Variants in CACNA1B observed in about 807,000 individuals in gnomAD.
CACNA1B encodes calcium voltage-gated channel subunit alpha1 B, also known as voltage-dependent N-type calcium channel subunit alpha-1B.
Under a neutral mutation model 247.2 loss-of-function variants are expected in CACNA1B, and 70 were observed. The observed-to-expected ratio is 0.28, with a 90% CI of 0.23 to 0.35. The LOEUF is 0.35. CACNA1B is among the 10% of genes least tolerant of loss of function. The probability of loss-of-function intolerance (pLI) is 1.00; values close to 1 mark genes in which losing one functional copy is unlikely to be tolerated. For missense variants in CACNA1B, 2,367 were observed against 3,197.4 expected (o/e 0.74, Z 6.26); for synonymous variants, 1,231 against 1,294.4 (o/e 0.95, Z 1.05).
intron 13 of CACNA1B, among the ~76,000 whole-genome samples, chr9:137,985,646 A>T (rs1055203686): frequency 2.0e-5 from 3 of 152,210 alleles, no homozygotes; most frequent in Admixed American, 6.5e-5. Flanking sequence ...GCCCAGGGAT[A>T]GAGTGAGCAC....
chr9:138,069,785 G>A (rs200931779), intron 32 of CACNA1B, 22 bp downstream of exon 32: 342 of 1,606,056 alleles, frequency 2.1e-4, no homozygotes, highest in Non-Finnish European at 2.8e-4. Flanking sequence ...GACTCTGAAC[G>A]GTTCTTGCAA....
Position 137,975,021 on chromosome 9 carries a change from C to T in CACNA1B, c.1544-886C>T, listed in dbSNP as rs532457147. Among the ~76,000 whole-genome samples the T allele has an allele frequency of 1.2e-4, 19 of 152,292 alleles. No individual in the cohort carries two copies. The East Asian group carries it at 1.7e-3, about 14-fold the overall frequency. Reference sequence around the variant, plus strand: ...CCTGGCTCAGCCAGCGGCTGGGCCTCGCTGGGCCTCCTGCTGCCTGTGGCC... The same window carrying T: ...CCTGGCTCAGCCAGCGGCTGGGCCTTGCTGGGCCTCCTGCTGCCTGTGGCC... On this transcript the variant is annotated intron_variant, in intron 11 of 46. Transcript: ENST00000371372.
chr9:138,029,017 T>C (rs1047798478), intron 20 of CACNA1B, among the ~76,000 whole-genome samples: 7 of 152,252 alleles, frequency 4.6e-5, no homozygotes, highest in African/African-American at 1.7e-4. Context: ...ACCAACTGAA[T>C]TTGGAATCCT....
intron 31 of CACNA1B, among the ~76,000 whole-genome samples, chr9:138,068,918 A>C (rs1960025633): frequency 6.6e-6 from 1 of 151,994 alleles, no homozygotes; most frequent in Admixed American, 6.6e-5. Flanking sequence ...ACTGACCCAC[A>C]CTCCGTCCCT....
In CACNA1B at chr9:138,000,046, A is replaced by G. The variant is rs552550867; in HGVS notation, c.1975-6721A>G. On this transcript the variant is annotated intron_variant, in intron 15 of 46. Coordinates refer to ENST00000371372, the MANE Select transcript of CACNA1B (RefSeq NM_000718.4). ...AAAATGAGATTTTTTTTTAATTCCAAAAGAATACTTTGGCAACTTTATGCC... is the reference window on the plus strand; with the variant it reads ...AAAATGAGATTTTTTTTTAATTCCAGAAGAATACTTTGGCAACTTTATGCC... Among the ~76,000 whole-genome samples, 4 of 152,282 alleles carry G rather than the reference A, an allele frequency of 2.6e-5. No homozygotes were observed. In the South Asian group the frequency reaches 8.3e-4, roughly 32 times the overall value.
At chr9:137,987,621 C>T (rs1216348711) in intron 15 of CACNA1B, among the ~76,000 whole-genome samples, 1 of 152,180 alleles carries the variant, frequency 6.6e-6, no homozygotes, top group Non-Finnish European at 1.5e-5. Context: ...CTCCCTGGCT[C>T]CTGGGGCTGC....
At chr9:137,915,731 C>G (rs1957402585) in intron 5 of CACNA1B, among the ~76,000 whole-genome samples, 2 of 152,078 alleles carry the variant, frequency 1.3e-5, no homozygotes, top group South Asian at 4.2e-4. Flanking sequence ...TGAGAGCTTT[C>G]CCTTTACAGT....
intron 6 of CACNA1B, among the ~76,000 whole-genome samples, chr9:137,943,079 T>A (rs984609799): frequency 6.7e-6 from 1 of 148,704 alleles, no homozygotes; most frequent in African/African-American, 2.5e-5. Flanking sequence ...AGTTTCAAAC[T>A]TTTGTAAAGC....
intron 18 of CACNA1B, 84 bp downstream of exon 18, chr9:138,013,319 C>A: frequency 1.0e-6 from 1 of 980,626 alleles, no homozygotes; most frequent in Non-Finnish European, 1.5e-6. Context: ...GGCACCCCTT[C>A]CAGAGGCTTC....
chr9:138,112,141 GAC>G (rs1491079665), intron 39 of CACNA1B, among the ~76,000 whole-genome samples: 10 of 152,180 alleles, frequency 6.6e-5, no homozygotes, highest in East Asian at 1.9e-4. Flanking sequence ...ACACACGTCG[GAC>G]ACACACGTGT....
intron 6 of CACNA1B, among the ~76,000 whole-genome samples, chr9:137,922,221 C>T (rs562314014): frequency 2.8e-5 from 4 of 145,130 alleles, no homozygotes; most frequent in African/African-American, 7.8e-5. Flanking sequence ...ATCAGCACCA[C>T]GACCGCAAAG....
intron 20 of CACNA1B, among the ~76,000 whole-genome samples, chr9:138,038,338 G>A (rs1317315832): frequency 6.6e-6 from 1 of 152,176 alleles, no homozygotes; most frequent in Non-Finnish European, 1.5e-5. Context: ...GGATCGTTGT[G>A]CACACTTCCT....
At chr9:138,026,299 A>T (rs972931136) in intron 20 of CACNA1B, among the ~76,000 whole-genome samples, 1 of 151,884 alleles carries the variant, frequency 6.6e-6, no homozygotes, top group Non-Finnish European at 1.5e-5. Context: ...TTCACTTCCC[A>T]TGGGCACAAG....
At chr9:138,003,834 C>T (rs974985410) in intron 15 of CACNA1B, among the ~76,000 whole-genome samples, 8 of 136,750 alleles carry the variant, frequency 5.9e-5, no homozygotes, top group African/African-American at 2.3e-4. Flanking sequence ...GTCGCCCAGG[C>T]TGGTGTCGAA....
intron 42 of CACNA1B, among the ~76,000 whole-genome samples, chr9:138,117,698 C>T (rs1401653464): frequency 6.6e-6 from 1 of 152,166 alleles, no homozygotes; most frequent in East Asian, 1.9e-4. Context: ...ACTCTGAATC[C>T]CTTCTTGCTC....
At chr9:137,959,269 C>T (rs1957983976) in intron 10 of CACNA1B, among the ~76,000 whole-genome samples, 1 of 152,276 alleles carries the variant, frequency 6.6e-6, no homozygotes, top group East Asian at 1.9e-4. Context: ...GACAGGGTTT[C>T]ACCGTGTTGG....
At chr9:137,958,136 C>T (rs1199547249) in intron 10 of CACNA1B, among the ~76,000 whole-genome samples, 2 of 130,836 alleles carry the variant, frequency 1.5e-5, no homozygotes, top group African/African-American at 7.2e-5. Flanking sequence ...CCTTGCTGTA[C>T]AGCAGTCTGT....
Position 138,059,215 on chromosome 9 carries a change from CT to C in CACNA1B, c.4584+30del. ...GTACGTGCTTTGGTCCCTGCTTTGC[CT>C]TTTGACAACCTATATTCTGGTTCCC... On this transcript the variant is annotated intron_variant, in intron 30 of 46. Coordinates refer to ENST00000371372, the MANE Select transcript of CACNA1B (RefSeq NM_000718.4). This position sits in a 1 kb window ranked among gnomAD's most constrained non-coding sequence, Gnocchi z 4.2. 7.2e-7 allele frequency: 1 copy of C among 1,389,490 alleles called. No individual in the cohort carries two copies. Among genetic ancestry groups the C allele is most frequent in the Non-Finnish European group, 1.0e-6 (1 of 978,618 alleles). 86.1% of individuals were successfully genotyped at this position (1,389,490 alleles called of 1,614,324 possible).
chr9:137,878,324 G>T, intron 1 of CACNA1B, 107 bp downstream of exon 1: 9 of 1,033,356 alleles, frequency 8.7e-6, no homozygotes, highest in Non-Finnish European at 1.1e-5. Flanking sequence ...GGGAGGCGTC[G>T]GGAGACGGGC....
Sources: gnomAD v4.1 joint callset for allele counts (sites outside exome capture counted in the v4.1 genomes callset) on GRCh38, gnomAD v4.1.1 for gene constraint, Gnocchi (gnomAD v3.1) non-coding constraint, MANE v1.5 for transcripts, NCBI Gene and HGNC (gene_info 2026-07-23, HGNC 2026-07-21) for gene names.